The following ROGDI variants were observed in gnomAD, a reference collection of about 807,000 sequenced individuals.
ROGDI encodes the protein rogdi atypical leucine zipper, also known as protein rogdi homolog.
A neutral mutation model predicts 43.1 loss-of-function variants in ROGDI; 46 were observed. The observed-to-expected ratio is 1.07, with a 90% CI of 0.84 to 1.37. The LOEUF (loss-of-function observed/expected upper bound fraction) is 1.37, where lower values mean the gene tolerates loss of function less well. Among genes scored for constraint, ROGDI ranks in the 40% most tolerant of loss-of-function variants. The probability of loss-of-function intolerance (pLI) is 0.00; values close to 1 mark genes in which losing one functional copy is unlikely to be tolerated. For missense variants in ROGDI, 518 were observed against 383.9 expected (o/e 1.35, Z -2.92); for synonymous variants, 243 against 162.0 (o/e 1.50, Z -3.80).
chr16:4,797,144 A>G lies in ROGDI; in HGVS notation c.*316T>C. ...GCCCTCCAGGGGGAGGGGACAGCGA[A>G]GGGGAGAGGAGGGAGAGCCCTGCGC... On this transcript the variant is annotated 3_prime_UTR_variant, in exon 11 of 11. Coordinates refer to ENST00000322048, the MANE Select transcript of ROGDI (RefSeq NM_024589.3). The G allele has an allele frequency of 3.2e-6, 1 of 311,786 alleles. No homozygotes were observed. Among genetic ancestry groups the G allele is most frequent in the Non-Finnish European group, 6.1e-6 (1 of 164,918 alleles). The allele number at this position is 311,786 out of a possible 1,614,324, so 19.3% of individuals were successfully genotyped here. A position where few individuals can be genotyped will look rare whatever the true frequency, so the allele number is the denominator to read the frequency against.
intron 4 of ROGDI, 63 bp from the exon 5 acceptor site, chr16:4,800,641 A>C (rs2082703992): frequency 1.1e-5 from 15 of 1,331,980 alleles, no homozygotes; most frequent in Admixed American, 3.9e-5. Context: ...AGCCACTCTG[A>C]GCCCTTAAGC....
At position 4,800,481 on chromosome 16, in the gene ROGDI, A is replaced by G. The variant is rs1364785615; in HGVS notation, c.336+17T>C. 3.2e-6 allele frequency: 5 copies of G among 1,549,992 alleles called. No individual in the cohort carries two copies. The highest frequency in any genetic ancestry group is 2.4e-5 in the East Asian group (1 of 41,104). The stretch of plus-strand genomic sequence containing the variant: ...CTGTCCTTGTGGCTGAGCACTAGCC[A>G]GGAGGGGCGGGGTCACCTGCTGCAG... On this transcript the variant is annotated intron_variant, in intron 5 of 10. Coordinates refer to ENST00000322048, the MANE Select transcript of ROGDI (RefSeq NM_024589.3).
At position 4,802,379 on chromosome 16, in the gene ROGDI, T is replaced by C; in HGVS notation, c.117+3A>G. On this transcript the variant is annotated splice_donor_region_variant and intron_variant, in intron 2 of 10. Coordinates refer to ENST00000322048, the MANE Select transcript of ROGDI (RefSeq NM_024589.3). ...CCCGGCGGGGCAGGGCGCGGGTCGT[T>C]ACCTTGAGGATGTCCTGCAGCTGCT... is the stretch of plus-strand genomic sequence containing the variant. 1.9e-6 allele frequency: 3 copies of C among 1,569,058 alleles called. No homozygotes were observed. The highest frequency in any genetic ancestry group is 1.7e-6 in the Non-Finnish European group (2 of 1,161,484).
intron 7 of ROGDI, 99 bp downstream of exon 7, chr16:4,798,470 A>C: frequency 1.1e-6 from 1 of 943,084 alleles, no homozygotes. Context: ...TATTCCACCT[A>C]TAATCTGGGA....
rs987191768 is a variant in ROGDI, at chr16:4,799,721, T to C, written c.397A>G (p.Ser133Gly). 1.2e-5 allele frequency: 20 copies of C among 1,613,580 alleles called. No homozygotes were observed. The Admixed American group carries it at 1.7e-4, about 13-fold the overall frequency. ...TCAGCGCCCGTCTTGAACTGGTAGC[T>C]CTGGTCCCGGCTGGTAAGCAGGTAA... ...AIYLLTSRDQ[S>G]YQFKTGAEVL... is the part of the protein sequence containing the mutation. The change falls in exon 6 of 11, where the codon AGC becomes GGC. Residue 133 changes from serine (S) to glycine (G), a missense_variant. Physicochemically the swap from Ser to Gly is moderately conservative, Grantham distance 56 (BLOSUM62 0). Transcript: ENST00000322048.
chr16:4,800,913 G>A (rs1567602499), intron 4 of ROGDI: 1 of 501,430 alleles, frequency 2.0e-6, no homozygotes, highest in Non-Finnish European at 3.5e-6. Flanking sequence ...CAGGAGGGGG[G>A]CCTCCCCCCA....
In ROGDI at chr16:4,797,768, G is replaced by T; in HGVS notation, c.768C>A (p.Asp256Glu). The T allele has an allele frequency of 6.2e-7, 1 of 1,612,792 alleles. No homozygotes were observed. The highest frequency in any genetic ancestry group is 8.5e-7 in the Non-Finnish European group (1 of 1,179,684). The change falls in exon 10 of 11, where the codon GAC becomes GAA. Residue 256 changes from aspartate to glutamate, a missense_variant. Coordinates refer to ENST00000322048, the MANE Select transcript of ROGDI (RefSeq NM_024589.3). ...GGGAGACGGTGAAGTAGACCAGGGCGTCGTTGAGCCAGGGGATCACGCACT... is the reference window on the plus strand; with the variant it reads ...GGGAGACGGTGAAGTAGACCAGGGCTTCGTTGAGCCAGGGGATCACGCACT... ...KVECVIPWLN[D>E]ALVYFTVSLQ... is the part of the protein sequence containing the mutation.
Position 4,797,369 on chromosome 16 carries a change from C to T in ROGDI, c.*91G>A. ...GGGGGTGGGATAGGGAGATAAATAG[C>T]AGCCTGGCGTTGGCACTGGCTGGTG... On this transcript the variant is annotated 3_prime_UTR_variant, in exon 11 of 11. Coordinates refer to ENST00000322048, the MANE Select transcript of ROGDI (RefSeq NM_024589.3). 1 of 1,182,116 alleles carries T rather than the reference C, an allele frequency of 8.5e-7. No individual in the cohort carries two copies. Among genetic ancestry groups the T allele is most frequent in the East Asian group, 2.4e-5 (1 of 42,332 alleles). The allele number at this position is 1,182,116 out of a possible 1,614,324, so 73.2% of individuals were successfully genotyped here.
Position 4,802,395 on chromosome 16 carries a change from T to A in ROGDI, c.104A>T (p.Gln35Leu). 1 of 1,570,264 alleles carries A rather than the reference T, an allele frequency of 6.4e-7. No individual in the cohort carries two copies. The highest frequency in any genetic ancestry group is 8.6e-7 in the Non-Finnish European group (1 of 1,162,262). The change falls in exon 2 of 11, where the codon CAG becomes CTG. Residue 35 changes from glutamine to leucine, a missense_variant. By Grantham distance (113) the Gln-to-Leu change is moderately radical (BLOSUM62 -2). Transcript: ENST00000322048. ...DEVHAVLKQLQDILKEASLRF... is the reference protein window; with the variant it reads ...DEVHAVLKQLLDILKEASLRF... The stretch of plus-strand genomic sequence containing the variant: ...GCGGGTCGTTACCTTGAGGATGTCC[T>A]GCAGCTGCTTCAACACAGCGTGCAC...
At chr16:4,798,413 C>T in intron 7 of ROGDI, 156 bp downstream of exon 7, 1 of 717,372 alleles carries the variant, frequency 1.4e-6, no homozygotes. Context: ...TTTAGGGGCA[C>T]AGGACGGAAG....
chr16:4,798,398 C>T (rs1040382620), intron 7 of ROGDI, 171 bp downstream of exon 7: 17 of 699,032 alleles, frequency 2.4e-5, no homozygotes, highest in African/African-American at 3.6e-5. Flanking sequence ...ACAGGGTTAA[C>T]GTATTTTAGG....
rs1489685289 is a variant in ROGDI, at chr16:4,802,615, C to A, written c.-44G>T. The A allele has an allele frequency of 7.8e-7, 1 of 1,288,614 alleles. No homozygotes were observed. The highest frequency in any genetic ancestry group is 3.1e-5 in the East Asian group (1 of 32,538). 79.8% of individuals were successfully genotyped at this position (1,288,614 alleles called of 1,614,324 possible). A position where few individuals can be genotyped will look rare whatever the true frequency, so the allele number is the denominator to read the frequency against. On this transcript the variant is annotated 5_prime_UTR_variant, in exon 1 of 11. Coordinates refer to ENST00000322048, the MANE Select transcript of ROGDI (RefSeq NM_024589.3). ...AGCGCCCTCCCCACCGGCCGCTGCT[C>A]CTGTCCACCAATCTTTCTGTCCTCG...
intron 4 of ROGDI, chr16:4,800,916 T>C (rs2082707329): frequency 2.5e-5 from 12 of 487,306 alleles, no homozygotes; most frequent in South Asian, 1.2e-4. Flanking sequence ...GAGGGGGGCC[T>C]CCCCCCACGC....
Position 4,798,593 on chromosome 16 carries a change from G to C in ROGDI, c.507C>G (p.Pro169=). 6.4e-7 allele frequency: 1 copy of C among 1,570,250 alleles called. No individual in the cohort carries two copies. Residue 169 remains proline (P), a synonymous_variant, in exon 7 of 11, where the codon CCC becomes CCG. Coordinates refer to ENST00000322048, the MANE Select transcript of ROGDI (RefSeq NM_024589.3). ...CCGTGAGGCCGCTGGCGGCGATCTC[G>C]GGGAGGGTGAGGGTGGCGGGGGTGG... The part of the protein sequence containing the change: ...RLTTPATLTL[P]EIAASGLTRM...
rs540638420 is a variant in ROGDI at position 4,799,705 on chromosome 16, G to C, written c.413C>G (p.Thr138Arg). Reference protein sequence around the residue: ...TSRDQSYQFKTGAEVLKLMDA... With the variant: ...TSRDQSYQFKRGAEVLKLMDA... ...GCTCACCTTGAGGACCTCAGCGCCC[G>C]TCTTGAACTGGTAGCTCTGGTCCCG... Residue 138 changes from threonine (T) to arginine (R), a missense_variant, in exon 6 of 11, where the codon ACG becomes AGG. Physicochemically the swap from Thr to Arg is moderately conservative, Grantham distance 71. Coordinates refer to ENST00000322048, the MANE Select transcript of ROGDI (RefSeq NM_024589.3). The C allele has an allele frequency of 3.1e-6, 5 of 1,613,418 alleles. No individual in the cohort carries two copies. The highest frequency in any genetic ancestry group is 4.2e-6 in the Non-Finnish European group (5 of 1,179,598).
chr16:4,802,369 C>G lies in ROGDI; in HGVS notation c.117+13G>C. On this transcript the variant is annotated intron_variant, in intron 2 of 10. Coordinates refer to ENST00000322048, the MANE Select transcript of ROGDI (RefSeq NM_024589.3). Reference sequence around the variant, plus strand: ...GGCCGCCACGCCCGGCGGGGCAGGGCGCGGGTCGTTACCTTGAGGATGTCC... The same window carrying G: ...GGCCGCCACGCCCGGCGGGGCAGGGGGCGGGTCGTTACCTTGAGGATGTCC... The G allele has an allele frequency of 6.4e-7, 1 of 1,563,426 alleles. No individual in the cohort carries two copies. The highest frequency in any genetic ancestry group is 8.6e-7 in the Non-Finnish European group (1 of 1,158,882).
chr16:4,801,226 C>A lies in ROGDI; in HGVS notation c.255+41G>T, dbSNP rs369820657. The A allele has an allele frequency of 1.5e-5, 23 of 1,539,656 alleles. No individual in the cohort carries two copies. The African/African-American group carries it at 3.1e-4, about 21-fold the overall frequency. On this transcript the variant is annotated intron_variant, in intron 4 of 10. Transcript: ENST00000322048. ...GAAAGTGGGAGCTCCCATGCTCTTC[C>A]CCATTGGCAGGATGGGAGGGGACAG...
At chr16:4,798,770 G>A in intron 6 of ROGDI, 103 bp from the exon 7 acceptor site, 3 of 985,196 alleles carry the variant, frequency 3.0e-6, no homozygotes, top group Non-Finnish European at 4.5e-6. Flanking sequence ...AGTGGCTACT[G>A]TTCCCAGGTC....
rs1433579024 is a variant in ROGDI at position 4,798,590 on chromosome 16, C to T, written c.510G>A (p.Glu170=). 5.1e-6 allele frequency: 8 copies of T among 1,567,766 alleles called. No homozygotes were observed. Among genetic ancestry groups the T allele is most frequent in the Non-Finnish European group, 6.0e-6 (7 of 1,162,496 alleles). ...LTTPATLTLP[E]IAASGLTRMF... is the part of the protein sequence containing the mutation. Reference sequence around the variant, plus strand: ...TGACCGTGAGGCCGCTGGCGGCGATCTCGGGGAGGGTGAGGGTGGCGGGGG... The same window carrying T: ...TGACCGTGAGGCCGCTGGCGGCGATTTCGGGGAGGGTGAGGGTGGCGGGGG... The change falls in exon 7 of 11, where the codon GAG becomes GAA. Residue 170 remains glutamate, a synonymous_variant. Transcript: ENST00000322048.
Sources: allele counts gnomAD v4.1 joint callset, GRCh38; gene constraint gnomAD v4.1.1; transcripts MANE v1.5; gene names NCBI Gene and HGNC (gene_info 2026-07-23, HGNC 2026-07-21).